NMS: variants seen among roughly 807,000 people sequenced by gnomAD.
NMS encodes neuromedin-S.
In NMS, 30 loss-of-function variants were observed where a neutral mutation model predicts 32.2. The ratio of observed to expected loss-of-function variants is 0.93; its 90% CI spans 0.70 to 1.26. NMS has a LOEUF of 1.26. NMS is among the 50% of genes most tolerant of loss of function. NMS has a pLI of 0.00. For synonymous variants in NMS, 76 were observed against 58.5 expected, an observed-to-expected ratio of 1.30 and a Z score of -1.37; for missense variants, 190 against 186.3, an observed-to-expected ratio of 1.02 and a Z score of -0.12.
intron 2 of NMS, 39 bp from the exon 3 acceptor site, chr2:100,473,441 TTCATCCCCC>T: frequency 8.8e-7 from 1 of 1,136,054 alleles, no homozygotes; most frequent in Non-Finnish European, 1.2e-6. Flanking sequence ...AATCTCTCTC[TTCATCCCCC>T]TCATCCCTTT....
intron 3 of NMS, 66 bp downstream of exon 3, chr2:100,473,605 G>T (rs1677048325): frequency 5.6e-6 from 3 of 539,508 alleles, no homozygotes; most frequent in Non-Finnish European, 8.3e-6. Flanking sequence ...ACACTCTTTT[G>T]CTACCTACAG....
intron 8 of NMS, among the ~76,000 whole-genome samples, chr2:100,481,392 C>T (rs761043502): frequency 6.6e-6 from 1 of 152,108 alleles, no homozygotes; most frequent in African/African-American, 2.4e-5. Context: ...CCAGAGTAGG[C>T]GTAAGGGAGT....
At chr2:100,471,606 A>G (rs1519658) in intron 1 of NMS, among the ~76,000 whole-genome samples, 37,506 of 152,030 alleles carry the variant, frequency 0.25, 4,869 homozygotes, top group East Asian at 0.35. Context: ...CTATATGTTT[A>G]TACTCACCTC....
At chr2:100,472,733 C>A in intron 1 of NMS, 62 bp from the exon 2 acceptor site, 1 of 1,062,078 alleles carries the variant, frequency 9.4e-7, no homozygotes, top group Non-Finnish European at 1.4e-6. Context: ...ATGATAAAGA[C>A]TTTGAAGTAA....
At chr2:100,480,449 C>T in intron 6 of NMS, 47 bp from the exon 7 acceptor site, 1 of 1,598,928 alleles carries the variant, frequency 6.3e-7, no homozygotes, top group Non-Finnish European at 8.6e-7. Context: ...ACTGCAAGGT[C>T]ATGATGTGGT....
intron 6 of NMS, among the ~76,000 whole-genome samples, chr2:100,480,236 T>C (rs1365859943): frequency 6.6e-6 from 1 of 152,218 alleles, no homozygotes; most frequent in East Asian, 1.9e-4. Flanking sequence ...GTTGGCGCTG[T>C]TAGGAGGAGC....
chr2:100,479,428 G>A lies in NMS; in HGVS notation c.336+1G>A. 1.2e-6 allele frequency: 2 copies of A among 1,609,174 alleles called. No homozygotes were observed. The highest frequency in any genetic ancestry group is 1.7e-6 in the Non-Finnish European group (2 of 1,177,572). The stretch of plus-strand genomic sequence containing the variant: ...GCGGATGAAGAGAATTCTGCAGCGA[G>A]TACGTGCTTTTATTCTTCCACCATA... On this transcript the variant is annotated splice_donor_variant, in intron 6 of 9. Transcript: ENST00000376865. LOFTEE classifies it high-confidence loss of function.
At chr2:100,477,303 C>T (rs1156780870) in intron 4 of NMS, 36 bp downstream of exon 4, 1 of 1,610,594 alleles carries the variant, frequency 6.2e-7, no homozygotes, top group Non-Finnish European at 8.5e-7. Context: ...GTGCATGCAG[C>T]TTCCATGTTT....
At chr2:100,479,976 C>A (rs1346526314) in intron 6 of NMS, among the ~76,000 whole-genome samples, 1 of 152,038 alleles carries the variant, frequency 6.6e-6, no homozygotes, top group Non-Finnish European at 1.5e-5. Context: ...GTAGAGTGAC[C>A]AGCTATCCCA....
At chr2:100,472,521 T>A (rs10514779) in intron 1 of NMS, among the ~76,000 whole-genome samples, 1 of 152,192 alleles carries the variant, frequency 6.6e-6, no homozygotes, top group South Asian at 2.1e-4. Flanking sequence ...TTGCTAATAG[T>A]TGTACTGAAC....
At chr2:100,483,167 G>A in intron 9 of NMS, 85 bp from the exon 10 acceptor site, 1 of 1,218,296 alleles carries the variant, frequency 8.2e-7, no homozygotes, top group South Asian at 1.3e-5. Flanking sequence ...TGTAAAATAT[G>A]TTACATAATA....
chr2:100,475,999 C>CAAAAAAAAAA (rs746460668), intron 3 of NMS, among the ~76,000 whole-genome samples: 12 of 111,718 alleles, frequency 1.1e-4, no homozygotes, highest in African/African-American at 3.5e-4. Context: ...ACCCTATCTC[C>CAAAAAAAAAA]AAAAAAAAAA....
chr2:100,483,127 C>G, intron 9 of NMS, 125 bp from the exon 10 acceptor site: 2 of 794,842 alleles, frequency 2.5e-6, no homozygotes, highest in Non-Finnish European at 4.1e-6. Context: ...GCAACCTGGG[C>G]ATTTATGACA....
intron 9 of NMS, 97 bp from the exon 10 acceptor site, chr2:100,483,155 A>G: frequency 9.2e-7 from 1 of 1,084,934 alleles, no homozygotes; most frequent in Non-Finnish European, 1.4e-6. Context: ...CTGAGGTCTA[A>G]TTGTAAAATA....
In NMS at chr2:100,479,451, A is replaced by G. The variant is rs1366561898; in HGVS notation, c.336+24A>G. 2.5e-6 allele frequency: 4 copies of G among 1,593,028 alleles called. No homozygotes were observed. The African/African-American group carries it at 5.4e-5, about 21-fold the overall frequency. On this transcript the variant is annotated intron_variant, in intron 6 of 9. Transcript: ENST00000376865. ...GAGTACGTGCTTTTATTCTTCCACC[A>G]TAGTTTATGCCCCTCACAGTTCATT...
chr2:100,478,740 C>T (rs1180958385), intron 5 of NMS, among the ~76,000 whole-genome samples: 1 of 152,260 alleles, frequency 6.6e-6, no homozygotes, highest in East Asian at 1.9e-4. Context: ...CTTGGCCTCC[C>T]ACTGCACCTG....
intron 6 of NMS, among the ~76,000 whole-genome samples, chr2:100,479,911 A>G (rs1201861159): frequency 6.6e-6 from 1 of 152,228 alleles, no homozygotes; most frequent in Non-Finnish European, 1.5e-5. Context: ...TCATGGTAGC[A>G]AAAATAAATA....
At chr2:100,474,686 A>G (rs1677072467) in intron 3 of NMS, among the ~76,000 whole-genome samples, 1 of 152,218 alleles carries the variant, frequency 6.6e-6, no homozygotes, top group African/African-American at 2.4e-5. Context: ...GTGGTAAATG[A>G]CAGCACTTAA....
intron 5 of NMS, 62 bp downstream of exon 5, chr2:100,477,476 C>A: frequency 8.0e-7 from 1 of 1,254,076 alleles, no homozygotes; most frequent in Non-Finnish European, 1.2e-6. Flanking sequence ...GTCGTCCATC[C>A]TTTCTTAATA....
Sources: gnomAD v4.1 joint callset for allele counts (sites outside exome capture counted in the v4.1 genomes callset) on GRCh38, gnomAD v4.1.1 for gene constraint, MANE v1.5 for transcripts, NCBI Gene and HGNC (gene_info 2026-07-23, HGNC 2026-07-21) for gene names.